KCNMB2: variants seen among roughly 807,000 people sequenced by gnomAD.
KCNMB2 encodes potassium calcium-activated channel subfamily M regulatory beta subunit 2.
In KCNMB2, 9 loss-of-function variants were observed where a neutral mutation model predicts 24.5. The observed-to-expected ratio is 0.37, with a 90% confidence interval of 0.22 to 0.64. KCNMB2 has a LOEUF of 0.64. Among genes scored for constraint, KCNMB2 ranks in the 30% least tolerant of loss-of-function variants. The pLI is 0.63. For synonymous variants in KCNMB2, 109 were observed against 104.4 expected (o/e 1.04, Z -0.27); for missense variants, 226 against 284.3 (o/e 0.79, Z 1.47).
At chr3:178,778,412 G>C (rs1280638959) in intron 1 of KCNMB2, among the ~76,000 whole-genome samples, 3 of 147,396 alleles carry the variant, frequency 2.0e-5, no homozygotes, top group African/African-American at 7.3e-5. Flanking sequence ...TCAGTCATGT[G>C]AGTCTAATGT....
In KCNMB2 at chr3:178,556,650, C is replaced by T. The variant is rs528601198; in HGVS notation, c.-68+19939C>T. On this transcript the variant is annotated intron_variant, in intron 1 of 4. Transcript: ENST00000452583. ...TTGAACTGCTGACCTCGTGATCCAC[C>T]CACCTCGGCCTCCCAAAGTGCTGGG... 1.6e-4 allele frequency among the ~76,000 whole-genome samples: 24 copies of T among 152,244 alleles called. No homozygotes were observed. The South Asian group carries it at 2.9e-3, about 18-fold the overall frequency.
chr3:178,568,115 T>G (rs1302727202), intron 1 of KCNMB2, among the ~76,000 whole-genome samples: 2 of 152,200 alleles, frequency 1.3e-5, no homozygotes, highest in Non-Finnish European at 2.9e-5. Flanking sequence ...TTTTTAGTTA[T>G]CTAGAAAATT....
At chr3:178,766,864 C>T (rs963418631) in intron 1 of KCNMB2, among the ~76,000 whole-genome samples, 1 of 152,066 alleles carries the variant, frequency 6.6e-6, no homozygotes, top group African/African-American at 2.4e-5. Flanking sequence ...AGATGTTTGC[C>T]CTAAGGAAAT....
intron 1 of KCNMB2, among the ~76,000 whole-genome samples, chr3:178,763,107 C>T (rs1050221021): frequency 6.6e-6 from 1 of 152,066 alleles, no homozygotes; most frequent in Non-Finnish European, 1.5e-5. Context: ...GTGGAAAAGG[C>T]AAGCTATCAG....
chr3:178,842,253 G>C (rs987954759), intron 4 of KCNMB2, among the ~76,000 whole-genome samples: 1 of 152,104 alleles, frequency 6.6e-6, no homozygotes, highest in Non-Finnish European at 1.5e-5. Context: ...TGATGGCAGA[G>C]TTGACATTCT....
intron 2 of KCNMB2, among the ~76,000 whole-genome samples, chr3:178,822,888 G>A (rs1235225657): frequency 6.6e-6 from 1 of 152,196 alleles, no homozygotes; most frequent in East Asian, 1.9e-4. Context: ...CTGTGTGACA[G>A]TCTAATACCC....
intron 1 of KCNMB2, among the ~76,000 whole-genome samples, chr3:178,733,689 T>C (rs9824845): frequency 0.49 from 73,777 of 151,710 alleles, 18,411 homozygotes; most frequent in African/African-American, 0.61. Flanking sequence ...CCATGTTAGC[T>C]AGGATGGTCT....
intron 1 of KCNMB2, among the ~76,000 whole-genome samples, chr3:178,576,457 A>T (rs1214585239): frequency 6.6e-6 from 1 of 152,050 alleles, no homozygotes; most frequent in Non-Finnish European, 1.5e-5. Context: ...ATTTTTTTTC[A>T]TACCCCAGTG....
At chr3:178,810,332 C>T (rs1422677787) in intron 2 of KCNMB2, among the ~76,000 whole-genome samples, 3 of 152,194 alleles carry the variant, frequency 2.0e-5, no homozygotes, top group African/African-American at 7.2e-5. Context: ...TGTGTTCCCA[C>T]AGCAATCCCA....
intron 1 of KCNMB2, among the ~76,000 whole-genome samples, chr3:178,643,520 T>C (rs1053737365): frequency 6.6e-6 from 1 of 152,084 alleles, no homozygotes; most frequent in Non-Finnish European, 1.5e-5. Context: ...TGGTAAAGAG[T>C]GGAGGAAGGG....
intron 1 of KCNMB2, among the ~76,000 whole-genome samples, chr3:178,551,852 C>T (rs548734772): frequency 6.6e-6 from 1 of 152,174 alleles, no homozygotes; most frequent in African/African-American, 2.4e-5. Context: ...AATATTCAAG[C>T]TGAAGCCTGC....
chr3:178,746,360 G>A (rs1213947362), intron 1 of KCNMB2, among the ~76,000 whole-genome samples: 2 of 152,124 alleles, frequency 1.3e-5, no homozygotes, highest in Admixed American at 1.3e-4. Context: ...CTGGGACACA[G>A]GGCACCAAGT....
chr3:178,772,141 A>T (rs1291099320), intron 1 of KCNMB2, among the ~76,000 whole-genome samples: 1 of 152,122 alleles, frequency 6.6e-6, no homozygotes, highest in Non-Finnish European at 1.5e-5. Flanking sequence ...ATATTCTCCA[A>T]GGCATTATCA....
intron 1 of KCNMB2, among the ~76,000 whole-genome samples, chr3:178,754,832 C>T (rs536462402): frequency 6.6e-6 from 1 of 152,198 alleles, no homozygotes; most frequent in African/African-American, 2.4e-5. Context: ...ATGGCATAGA[C>T]CCTGCAGCTT....
In KCNMB2 at chr3:178,686,103, A is replaced by C. The variant is rs1363526076; in HGVS notation, c.-67-121240A>C. ...ATGGTCCCATACTTTTGCAAATAGT[A>C]AACTCACTTTTTAGTATAGATAGGA... On this transcript the variant is annotated intron_variant, in intron 1 of 4. Transcript: ENST00000452583. Among the ~76,000 whole-genome samples, 6 of 152,354 alleles carry C rather than the reference A, an allele frequency of 3.9e-5. No individual in the cohort carries two copies. In the East Asian group the frequency reaches 1.2e-3, roughly 29 times the overall value.
chr3:178,828,475 TC>T, intron 4 of KCNMB2, 102 bp downstream of exon 4: 1 of 798,944 alleles, frequency 1.3e-6, no homozygotes, highest in South Asian at 2.0e-5. Context: ...GGAAAATACT[TC>T]CAGGAAGCAG....
At position 178,810,803 on chromosome 3, in the gene KCNMB2, T is replaced by C. The variant is rs551375278; in HGVS notation, c.56+3338T>C. On this transcript the variant is annotated intron_variant, in intron 2 of 4. Coordinates refer to ENST00000452583, the MANE Select transcript of KCNMB2 (RefSeq NM_181361.3). Reference sequence around the variant, plus strand: ...AGGCTGGAGTGCAGTGGTGCGATCTTGGCTCACTGCAACCTCCGCCTCCCG... The same window carrying C: ...AGGCTGGAGTGCAGTGGTGCGATCTCGGCTCACTGCAACCTCCGCCTCCCG... Among the ~76,000 whole-genome samples, 442 of 152,150 alleles carry C rather than the reference T, an allele frequency of 2.9e-3. 3 individuals carry two copies. The highest frequency in any genetic ancestry group is 0.01 in the African/African-American group (427 of 41,532).
At chr3:178,571,365 T>C (rs1488161385) in intron 1 of KCNMB2, among the ~76,000 whole-genome samples, 3 of 150,168 alleles carry the variant, frequency 2.0e-5, no homozygotes, top group African/African-American at 7.3e-5. Context: ...ATGTGTTACA[T>C]AAATATATGG....
At chr3:178,838,881 A>T (rs766511858) in intron 4 of KCNMB2, among the ~76,000 whole-genome samples, 31 of 152,222 alleles carry the variant, frequency 2.0e-4, no homozygotes, top group Admixed American at 1.3e-4. Context: ...AAAAATTGGT[A>T]AATGACAGTA....
Sources: allele counts gnomAD v4.1 joint callset (sites outside exome capture counted in the v4.1 genomes callset), GRCh38; gene constraint gnomAD v4.1.1; transcripts MANE v1.5; gene names NCBI Gene and HGNC (gene_info 2026-07-23, HGNC 2026-07-21).